The following CPE variants were observed in gnomAD, a reference collection of about 807,000 sequenced individuals.
The protein encoded by CPE is carboxypeptidase E.
CPE carries 17 observed loss-of-function variants against 53.5 expected under a neutral mutation model. The ratio of observed to expected loss-of-function variants is 0.32; its 90% CI spans 0.22 to 0.48. CPE has a LOEUF of 0.48. Among genes scored for constraint, CPE ranks in the 20% least tolerant of loss-of-function variants. The probability of loss-of-function intolerance (pLI) is 0.99; values close to 1 mark genes in which losing one functional copy is unlikely to be tolerated. For missense variants in CPE, 524 were observed against 614.7 expected (o/e 0.85, Z 1.56); for synonymous variants, 226 against 228.8 (o/e 0.99, Z 0.11).
chr4:165,486,524 C>G (rs1360213000), intron 5 of CPE, among the ~76,000 whole-genome samples: 1 of 152,072 alleles, frequency 6.6e-6, no homozygotes, highest in Non-Finnish European at 1.5e-5. Flanking sequence ...CACAAACCTG[C>G]CTCCCCATTT....
intron 1 of CPE, among the ~76,000 whole-genome samples, chr4:165,434,547 C>T (rs1731463750): frequency 6.6e-6 from 1 of 152,110 alleles, no homozygotes; most frequent in Non-Finnish European, 1.5e-5. Flanking sequence ...ATATTATATA[C>T]TCTTTTTCTT....
intron 1 of CPE, among the ~76,000 whole-genome samples, chr4:165,456,213 T>C (rs1731898933): frequency 6.6e-6 from 1 of 152,104 alleles, no homozygotes; most frequent in African/African-American, 2.4e-5. Context: ...AACTATATAA[T>C]AGGTTAAAGT....
intron 1 of CPE, among the ~76,000 whole-genome samples, chr4:165,392,712 C>T (rs1351076266): frequency 1.4e-5 from 2 of 147,382 alleles, no homozygotes. Context: ...GTAGTATAAG[C>T]TCCATCCCAA....
intron 1 of CPE, among the ~76,000 whole-genome samples, chr4:165,462,239 TC>T (rs1432467089): frequency 6.6e-6 from 1 of 152,176 alleles, no homozygotes; most frequent in African/African-American, 2.4e-5. Flanking sequence ...CCCAAAGCAT[TC>T]ACATTCGAAC....
Position 165,464,452 on chromosome 4 carries a change from C to T in CPE, c.370C>T (p.Leu124Phe), listed in dbSNP as rs773346062. The change falls in exon 2 of 9, where the codon CTC becomes TTC. Residue 124 changes from leucine to phenylalanine, a missense_variant. Transcript: ENST00000402744. Reference protein sequence around the residue: ...HGNEAVGRELLIFLAQYLCNE... With the variant: ...HGNEAVGRELFIFLAQYLCNE... ...GAATGAGGCTGTTGGACGAGAACTG[C>T]TCATTTTCTTGGCCCAGTACCTATG... The T allele has an allele frequency of 6.2e-7, 1 of 1,613,666 alleles. No individual in the cohort carries two copies. The highest frequency in any genetic ancestry group is 2.2e-5 in the East Asian group (1 of 44,840).
chr4:165,417,296 C>G, intron 1 of CPE, among the ~76,000 whole-genome samples: 1 of 152,086 alleles, frequency 6.6e-6, no homozygotes, highest in East Asian at 1.9e-4. Flanking sequence ...AATATTTGGA[C>G]TAAGTTAAAT....
intron 3 of CPE, among the ~76,000 whole-genome samples, chr4:165,472,803 C>G (rs1453354802): frequency 6.6e-6 from 1 of 152,188 alleles, no homozygotes; most frequent in Non-Finnish European, 1.5e-5. Context: ...TAATCTTTTA[C>G]TAAAACCACA....
chr4:165,426,979 G>T (rs1731332107), intron 1 of CPE, among the ~76,000 whole-genome samples: 1 of 152,198 alleles, frequency 6.6e-6, no homozygotes, highest in East Asian at 1.9e-4. Context: ...AGTGAGGGCT[G>T]GGAGTCTCAT....
At chr4:165,447,676 A>G (rs1467374731) in intron 1 of CPE, among the ~76,000 whole-genome samples, 3 of 152,102 alleles carry the variant, frequency 2.0e-5, no homozygotes, top group East Asian at 1.9e-4. Context: ...ATAAATTTAA[A>G]ATTTTTTGAC....
chr4:165,386,268 C>A, intron 1 of CPE: 1 of 519,534 alleles, frequency 1.9e-6, no homozygotes, highest in South Asian at 1.5e-5. Flanking sequence ...AAAATACAAT[C>A]CCGGACAACA....
intron 6 of CPE, among the ~76,000 whole-genome samples, chr4:165,492,261 A>G (rs114548940): frequency 7.9e-4 from 121 of 152,348 alleles, no homozygotes; most frequent in Non-Finnish European, 1.6e-3. Flanking sequence ...AAATAATGTT[A>G]ATAGATTTAA....
chr4:165,466,188 C>G (rs886899785), intron 2 of CPE, among the ~76,000 whole-genome samples: 1 of 152,138 alleles, frequency 6.6e-6, no homozygotes, highest in Admixed American at 6.5e-5. Context: ...GCCCATGGTT[C>G]CTAGGCTACA....
chr4:165,402,531 A>G (rs1365559623), intron 1 of CPE, among the ~76,000 whole-genome samples: 1 of 152,148 alleles, frequency 6.6e-6, no homozygotes, highest in East Asian at 1.9e-4. Context: ...ACTTGACACT[A>G]TCTCCTGGTG....
rs541905652 is a variant in CPE, at chr4:165,404,539, G to A, written c.307+25011G>A. The A allele has an allele frequency of 1.2e-4, 102 of 880,362 alleles. 1 individual carries two copies. Among genetic ancestry groups the A allele is most frequent in the Middle Eastern group, 7.4e-4 (3 of 4,056 alleles). The allele number at this position is 880,362 out of a possible 1,614,324, so 54.5% of individuals were successfully genotyped here. A position where few individuals can be genotyped will look rare whatever the true frequency, so the allele number is the denominator to read the frequency against. On this transcript the variant is annotated intron_variant, in intron 1 of 8. Transcript: ENST00000402744. ...TTCCACCTCCAAACTGCTCCCCAAAGGCTTTGCCCAGATCTTTGGCCACAT... is the reference window on the plus strand; with the variant it reads ...TTCCACCTCCAAACTGCTCCCCAAAAGCTTTGCCCAGATCTTTGGCCACAT...
chr4:165,452,811 G>T (rs1288473259), intron 1 of CPE, among the ~76,000 whole-genome samples: 1 of 151,952 alleles, frequency 6.6e-6, no homozygotes, highest in Non-Finnish European at 1.5e-5. Flanking sequence ...TCTCAATCCT[G>T]CCCTGGCATC....
intron 1 of CPE, among the ~76,000 whole-genome samples, chr4:165,424,987 G>A (rs189001973): frequency 2.2e-4 from 33 of 149,486 alleles, no homozygotes; most frequent in African/African-American, 7.2e-4. Flanking sequence ...TGATTCTCCC[G>A]CCTCAGGAGA....
chr4:165,484,163 C>A (rs112724075), intron 4 of CPE, among the ~76,000 whole-genome samples: 208 of 152,136 alleles, frequency 1.4e-3, no homozygotes, highest in African/African-American at 4.5e-3. Context: ...ACTTTATTAC[C>A]TTTCCCTGCA....
intron 1 of CPE, among the ~76,000 whole-genome samples, chr4:165,407,153 T>C (rs1730966703): frequency 6.6e-6 from 1 of 152,228 alleles, no homozygotes; most frequent in East Asian, 1.9e-4. Context: ...TTTAACATTT[T>C]CAGGAACTGC....
intron 1 of CPE, among the ~76,000 whole-genome samples, chr4:165,386,915 G>A (rs1730603205): frequency 6.6e-6 from 1 of 152,032 alleles, no homozygotes; most frequent in African/African-American, 2.4e-5. Flanking sequence ...TATTCAAATC[G>A]TGCACTTTGA....
Sources: gnomAD v4.1 joint callset for allele counts (sites outside exome capture counted in the v4.1 genomes callset) on GRCh38, gnomAD v4.1.1 for gene constraint, MANE v1.5 for transcripts, NCBI Gene and HGNC (gene_info 2026-07-23, HGNC 2026-07-21) for gene names.